PRXL2B: variants seen among roughly 807,000 people sequenced by gnomAD.
PRXL2B encodes peroxiredoxin like 2B.
A neutral mutation model predicts 24.4 loss-of-function variants in PRXL2B; 26 were observed. The observed-to-expected ratio is 1.07, with a 90% CI of 0.78 to 1.48. The LOEUF is 1.48. PRXL2B is among the 40% of genes most tolerant of loss of function. PRXL2B has a pLI of 0.00. For synonymous variants in PRXL2B, 115 were observed against 118.9 expected, an observed-to-expected ratio of 0.97 and a Z score of 0.21; for missense variants, 269 against 264.8, an observed-to-expected ratio of 1.02 and a Z score of -0.11.
At chr1:2,588,647 G>A (rs368605000) in intron 5 of PRXL2B, 22 bp downstream of exon 5, 29 of 1,610,540 alleles carry the variant, frequency 1.8e-5, no homozygotes, top group Middle Eastern at 1.6e-4. Flanking sequence ...GAGGGGCCTC[G>A]GCCACTGCCT....
rs749146460 is a variant in PRXL2B at position 2,588,929 on chromosome 1, T to C, written c.468T>C (p.Asp156=). 6.2e-7 allele frequency: 1 copy of C among 1,613,210 alleles called. No homozygotes were observed. The highest frequency in any genetic ancestry group is 2.2e-5 in the East Asian group (1 of 44,874). Residue 156 remains aspartate, a synonymous_variant, in exon 6 of 7, where the codon GAT becomes GAC. Transcript: ENST00000419916. The part of the protein sequence containing the change: ...GGLLVVSKGG[D]KVLLHFVQKS... ...GCCTGCCCGCTGCTACAGGTGGTGA[T>C]AAAGTGCTCCTGCATTTCGTCCAGA...
At position 2,587,918 on chromosome 1, in the gene PRXL2B, C is replaced by G. The variant is rs1291802703; in HGVS notation, c.320+126C>G. 1 of 1,116,180 alleles carries G rather than the reference C, an allele frequency of 9.0e-7. No homozygotes were observed. Among genetic ancestry groups the G allele is most frequent in the Non-Finnish European group, 1.3e-6 (1 of 789,062 alleles). 69.1% of individuals were successfully genotyped at this position (1,116,180 alleles called of 1,614,324 possible). The stretch of plus-strand genomic sequence containing the variant: ...TCCACTCGGGCCTTCCTGGGCAAGG[C>G]GGCTCTGGTGGCACTGTTGACCAGC... On this transcript the variant is annotated intron_variant, in intron 3 of 6. Coordinates refer to ENST00000419916, the MANE Select transcript of PRXL2B (RefSeq NM_152371.5). The surrounding 1 kb of genome is among the most constrained non-coding windows in gnomAD (Gnocchi z 6.1).
upstream of PRXL2B, chr1:2,586,677 G>T: frequency 1.7e-6 from 2 of 1,181,434 alleles, no homozygotes; most frequent in Non-Finnish European, 2.1e-6. Context: ...TGGCCGGGGC[G>T]CGCTGCGGCC....
rs1186520439 is a variant in PRXL2B, at chr1:2,587,766, G to A, written c.294G>A (p.Gln98=). ...AGCTCTACCTGGATGAGAGCAAGCA[G>A]CTTTACAAGGAGCTAGGCTTCAAGC... is the stretch of plus-strand genomic sequence containing the variant. ...AGELYLDESK[Q]LYKELGFKRY... is the part of the protein sequence containing the mutation. Residue 98 remains glutamine (Q), a synonymous_variant, in exon 3 of 7, where the codon CAG becomes CAA. Transcript: ENST00000419916. The surrounding 1 kb of genome is among the most constrained non-coding windows in gnomAD (Gnocchi z 6.1). The A allele has an allele frequency of 6.2e-7, 1 of 1,605,154 alleles. No individual in the cohort carries two copies. The highest frequency in any genetic ancestry group is 1.7e-5 in the Admixed American group (1 of 58,820).
chr1:2,588,768 G>A, intron 5 of PRXL2B, 143 bp downstream of exon 5: 4 of 1,183,482 alleles, frequency 3.4e-6, no homozygotes, highest in Non-Finnish European at 4.9e-6. Flanking sequence ...TGTCTGCTGG[G>A]CTGAGTGGGG....
rs1644554707 is a variant in PRXL2B, at chr1:2,587,516, C to T, written c.268+221C>T. Among the ~76,000 whole-genome samples, 1 of 152,176 alleles carries T rather than the reference C, an allele frequency of 6.6e-6. No individual in the cohort carries two copies. The highest frequency in any genetic ancestry group is 2.4e-5 in the African/African-American group (1 of 41,438). On this transcript the variant is annotated intron_variant, in intron 2 of 6. Coordinates refer to ENST00000419916, the MANE Select transcript of PRXL2B (RefSeq NM_152371.5). The surrounding 1 kb of genome is among the most constrained non-coding windows in gnomAD (Gnocchi z 6.1). The stretch of plus-strand genomic sequence containing the variant: ...CCCAGCAGCAGAGTCTGGACGAGCT[C>T]TGCCCCGCCGGCTCCACCTGTTGCC...
Position 2,586,890 on chromosome 1 carries a change from G to A in PRXL2B, c.5G>A (p.Ser2Asn). ...CCAGGGCTGGCAGCGGCCGCCATGA[G>A]CACGGTGGACCTTGCTCGCGTGGGC... M[S>N]TVDLARVGAC... is the part of the protein sequence containing the mutation. The change falls in exon 1 of 7, where the codon AGC (serine) becomes AAC (asparagine). Residue 2 changes from serine (S) to asparagine (N), a missense_variant. Transcript: ENST00000419916. 7.7e-7 allele frequency: 1 copy of A among 1,303,492 alleles called. No individual in the cohort carries two copies. The allele number at this position is 1,303,492 out of a possible 1,614,324, so 80.7% of individuals were successfully genotyped here. A position where few individuals can be genotyped will look rare whatever the true frequency, so the allele number is the denominator to read the frequency against.
rs1337424402 is a variant in PRXL2B, at chr1:2,587,086, G to T, written c.64-5G>T. On this transcript the variant is annotated splice_region_variant and splice_polypyrimidine_tract_variant and intron_variant, in intron 1 of 6. Transcript: ENST00000419916. The surrounding 1 kb of genome is among the most constrained non-coding windows in gnomAD (Gnocchi z 6.1). ...GGGCGCGCCCATGACCCAGCCGCCC[G>T]GCAGGCCGTGGAGCTGCGGAGCCTG... 1 of 1,513,226 alleles carries T rather than the reference G, an allele frequency of 6.6e-7. No individual in the cohort carries two copies. Among genetic ancestry groups the T allele is most frequent in the South Asian group, 1.2e-5 (1 of 80,856 alleles). The allele number at this position is 1,513,226 out of a possible 1,614,324, so 93.7% of individuals were successfully genotyped here.
In PRXL2B at chr1:2,589,624, T is replaced by C. The variant is rs1185978558; in HGVS notation, c.*197T>C. ...TTCGCAGGCTCCGAGCCCTGCATCC[T>C]CCACAGCCCCCGCCTTGCTCACTGT... On this transcript the variant is annotated 3_prime_UTR_variant, in exon 7 of 7. Transcript: ENST00000419916. The C allele has an allele frequency of 1.4e-6, 1 of 709,140 alleles. No individual in the cohort carries two copies. The highest frequency in any genetic ancestry group is 1.8e-5 in the African/African-American group (1 of 56,322). 43.9% of individuals were successfully genotyped at this position (709,140 alleles called of 1,614,324 possible). A position where few individuals can be genotyped will look rare whatever the true frequency, so the allele number is the denominator to read the frequency against.
rs370258722 is a variant in PRXL2B at position 2,589,447 on chromosome 1, C to G, written c.*20C>G. On this transcript the variant is annotated 3_prime_UTR_variant, in exon 7 of 7. Transcript: ENST00000419916. Reference sequence around the variant, plus strand: ...GTGTGAGGGAGGCGAAGGCCCTGGCCTCCGAGGATCTGGGTGGCGTCTGCT... The same window carrying G: ...GTGTGAGGGAGGCGAAGGCCCTGGCGTCCGAGGATCTGGGTGGCGTCTGCT... 1.9e-6 allele frequency: 3 copies of G among 1,613,776 alleles called. No individual in the cohort carries two copies. The highest frequency in any genetic ancestry group is 1.3e-5 in the African/African-American group (1 of 75,062).
chr1:2,587,071 A>G lies in PRXL2B; in HGVS notation c.64-20A>G, dbSNP rs1308762490. ...GGGCTGGGGGCAACGGGGCGCGCCC[A>G]TGACCCAGCCGCCCGGCAGGCCGTG... is the stretch of plus-strand genomic sequence containing the variant. On this transcript the variant is annotated intron_variant, in intron 1 of 6. Transcript: ENST00000419916. This position sits in a 1 kb window ranked among gnomAD's most constrained non-coding sequence, Gnocchi z 6.1. 2 of 1,490,764 alleles carry G rather than the reference A, an allele frequency of 1.3e-6. No homozygotes were observed. The highest frequency in any genetic ancestry group is 1.8e-6 in the Non-Finnish European group (2 of 1,128,714). The allele number at this position is 1,490,764 out of a possible 1,614,324, so 92.3% of individuals were successfully genotyped here.
At chr1:2,588,299 C>G (rs1304334312) in intron 3 of PRXL2B, 91 bp from the exon 4 acceptor site, 1 of 1,555,726 alleles carries the variant, frequency 6.4e-7, no homozygotes, top group African/African-American at 1.4e-5. Context: ...TGGGGTGGGG[C>G]CTGACCTAGG....
In PRXL2B at chr1:2,589,174, A is replaced by T. The variant is rs948132852; in HGVS notation, c.579+134A>T. Reference sequence around the variant, plus strand: ...ATGCCAATTGTGCCCTGGGATATGGATGCCACTGTGACCCCACTTGCAGAG... The same window carrying T: ...ATGCCAATTGTGCCCTGGGATATGGTTGCCACTGTGACCCCACTTGCAGAG... On this transcript the variant is annotated intron_variant, in intron 6 of 6. Coordinates refer to ENST00000419916, the MANE Select transcript of PRXL2B (RefSeq NM_152371.5). 22 of 1,020,318 alleles carry T rather than the reference A, an allele frequency of 2.2e-5. No individual in the cohort carries two copies. In the African/African-American group the frequency reaches 3.2e-4, roughly 15 times the overall value. The allele number at this position is 1,020,318 out of a possible 1,614,324, so 63.2% of individuals were successfully genotyped here. A position where few individuals can be genotyped will look rare whatever the true frequency, so the allele number is the denominator to read the frequency against.
rs1317634641 is a variant in PRXL2B at position 2,587,695 on chromosome 1, G to A, written c.269-46G>A. ...ATTCTTTGTGGTGAGTGGGTTGGGGGCTGGTTCTGCGCCTGGGGCACACAC... is the reference window on the plus strand; with the variant it reads ...ATTCTTTGTGGTGAGTGGGTTGGGGACTGGTTCTGCGCCTGGGGCACACAC... On this transcript the variant is annotated intron_variant, in intron 2 of 6. Transcript: ENST00000419916. The surrounding 1 kb of genome is among the most constrained non-coding windows in gnomAD (Gnocchi z 6.1). 3 of 1,571,324 alleles carry A rather than the reference G, an allele frequency of 1.9e-6. No individual in the cohort carries two copies. Among genetic ancestry groups the A allele is most frequent in the South Asian group, 1.2e-5 (1 of 85,940 alleles).
rs1644691203 is a variant in PRXL2B at position 2,591,188 on chromosome 1, C to T, written c.*1761C>T. On this transcript the variant is annotated 3_prime_UTR_variant, in exon 7 of 7. Coordinates refer to ENST00000419916, the MANE Select transcript of PRXL2B (RefSeq NM_152371.5). ...TTAAAAACCAGCCCAAAACATCAGC[C>T]TAATGGCTCATGTCAGTATGAGCAG... The T allele has an allele frequency of 5.2e-6, 4 of 772,968 alleles. No homozygotes were observed. The highest frequency in any genetic ancestry group is 3.0e-5 in the Admixed American group (1 of 33,770). 47.9% of individuals were successfully genotyped at this position (772,968 alleles called of 1,614,324 possible). A position where few individuals can be genotyped will look rare whatever the true frequency, so the allele number is the denominator to read the frequency against.
chr1:2,591,015 G>T lies in PRXL2B; in HGVS notation c.*1588G>T. The T allele has an allele frequency of 6.2e-7, 1 of 1,602,618 alleles. No homozygotes were observed. Among genetic ancestry groups the T allele is most frequent in the Non-Finnish European group, 8.5e-7 (1 of 1,175,712 alleles). On this transcript the variant is annotated 3_prime_UTR_variant, in exon 7 of 7. Coordinates refer to ENST00000419916, the MANE Select transcript of PRXL2B (RefSeq NM_152371.5). The stretch of plus-strand genomic sequence containing the variant: ...CTACCACACGCGGCATCGCTCCTTG[G>T]GGTGCATGGGGGTGCCCCGGGCACA...
chr1:2,586,599 G>A (rs570012351), upstream of PRXL2B: 98 of 590,100 alleles, frequency 1.7e-4, no homozygotes, highest in African/African-American at 1.7e-3. Flanking sequence ...GGAGTAGGAG[G>A]GGAAACAAGG....
Position 2,589,648 on chromosome 1 carries a change from G to A in PRXL2B, c.*221G>A, listed in dbSNP as rs1644631986. 4.8e-6 allele frequency: 3 copies of A among 630,038 alleles called. No homozygotes were observed. The highest frequency in any genetic ancestry group is 2.0e-5 in the South Asian group (1 of 50,790). 39.0% of individuals were successfully genotyped at this position (630,038 alleles called of 1,614,324 possible). A position where few individuals can be genotyped will look rare whatever the true frequency, so the allele number is the denominator to read the frequency against. On this transcript the variant is annotated 3_prime_UTR_variant, in exon 7 of 7. Transcript: ENST00000419916. ...CTCCACAGCCCCCGCCTTGCTCACT[G>A]TTGGGCCCTCAGGGCGGGCAGGGTG...
At position 2,587,822 on chromosome 1, in the gene PRXL2B, G is replaced by C. The variant is rs1644565340; in HGVS notation, c.320+30G>C. 1.9e-6 allele frequency: 3 copies of C among 1,566,392 alleles called. No individual in the cohort carries two copies. The highest frequency in any genetic ancestry group is 1.4e-5 in the African/African-American group (1 of 74,058). On this transcript the variant is annotated intron_variant, in intron 3 of 6. Coordinates refer to ENST00000419916, the MANE Select transcript of PRXL2B (RefSeq NM_152371.5). This position sits in a 1 kb window ranked among gnomAD's most constrained non-coding sequence, Gnocchi z 6.1. ...GTGGGGGCGGGAACCCTTGGGTAGC[G>C]TGGGGTGGGGGGCCCAGGGGTTCCC...
Sources: allele counts gnomAD v4.1 joint callset (sites outside exome capture counted in the v4.1 genomes callset), GRCh38; gene constraint gnomAD v4.1.1; non-coding constraint Gnocchi (gnomAD v3.1); transcripts MANE v1.5; gene names NCBI Gene and HGNC (gene_info 2026-07-23, HGNC 2026-07-21).